Variants in LGR5 observed in about 807,000 individuals in gnomAD.
LGR5 encodes leucine-rich repeat-containing G protein-coupled receptor 5.
A neutral mutation model predicts 76.7 loss-of-function variants in LGR5; 54 were observed. The ratio of observed to expected loss-of-function variants is 0.70; its 90% CI spans 0.57 to 0.88. The LOEUF (loss-of-function observed/expected upper bound fraction) is 0.88. LGR5 is among the 40% of genes least tolerant of loss of function. The pLI is 0.00. For synonymous variants in LGR5, 406 were observed against 421.9 expected, an observed-to-expected ratio of 0.96 and a Z score of 0.46; for missense variants, 1,078 against 1,073.3, an observed-to-expected ratio of 1.00 and a Z score of -0.06.
intron 1 of LGR5, among the ~76,000 whole-genome samples, chr12:71,480,556 T>C (rs1452473653): frequency 6.6e-6 from 1 of 151,906 alleles, no homozygotes; most frequent in East Asian, 1.9e-4. Context: ...ATTCTCCAGA[T>C]CCCTTCTCTT....
intron 15 of LGR5, among the ~76,000 whole-genome samples, chr12:71,579,399 C>T (rs1258530152): frequency 3.3e-5 from 5 of 152,068 alleles, no homozygotes; most frequent in Admixed American, 6.5e-5. Context: ...TTTTAACCCA[C>T]GGTAGTTTTT....
At chr12:71,576,414 T>C (rs1253183327) in intron 13 of LGR5, among the ~76,000 whole-genome samples, 1 of 152,112 alleles carries the variant, frequency 6.6e-6, no homozygotes, top group East Asian at 1.9e-4. Flanking sequence ...TGGAGAAGTG[T>C]TGCAGCCCTT....
At chr12:71,510,646 G>A (rs1592501796) in intron 2 of LGR5, among the ~76,000 whole-genome samples, 1 of 152,156 alleles carries the variant, frequency 6.6e-6, no homozygotes, top group African/African-American at 2.4e-5. Flanking sequence ...ATTGAGTGGA[G>A]GAGACAGATA....
rs1479926413 is a variant in LGR5 at position 71,556,277 on chromosome 12, G to A, written c.645-342G>A. Reference sequence around the variant, plus strand: ...TTTACAATAGACCCCCATGACACAAGTTTACCTACATAACAAACCTGCACA... The same window carrying A: ...TTTACAATAGACCCCCATGACACAAATTTACCTACATAACAAACCTGCACA... On this transcript the variant is annotated intron_variant, in intron 5 of 17. Coordinates refer to ENST00000266674, the MANE Select transcript of LGR5 (RefSeq NM_003667.4). Among the ~76,000 whole-genome samples, 4 of 151,460 alleles carry A rather than the reference G, an allele frequency of 2.6e-5. No homozygotes were observed. In the East Asian group the frequency reaches 7.8e-4, roughly 29 times the overall value.
intron 3 of LGR5, among the ~76,000 whole-genome samples, chr12:71,531,702 T>A (rs1876319740): frequency 6.6e-6 from 1 of 152,130 alleles, no homozygotes; most frequent in Admixed American, 6.5e-5. Flanking sequence ...ACCCCGTTGC[T>A]GCTAAAAATA....
Position 71,524,549 on chromosome 12 carries a change from G to T in LGR5, c.356+72G>T, listed in dbSNP as rs1246641581. ...AATGGCTGCTAATTAACTTGTAAAA[G>T]CTGAGTGTCTCTAATACACTATTTA... On this transcript the variant is annotated intron_variant, in intron 3 of 17. Transcript: ENST00000266674. 14 of 1,050,014 alleles carry T rather than the reference G, an allele frequency of 1.3e-5. No homozygotes were observed. In the East Asian group the frequency reaches 3.3e-4, roughly 25 times the overall value. 65.0% of individuals were successfully genotyped at this position (1,050,014 alleles called of 1,614,324 possible). A position where few individuals can be genotyped will look rare whatever the true frequency, so the allele number is the denominator to read the frequency against.
At chr12:71,505,569 G>A (rs942728524) in intron 2 of LGR5, among the ~76,000 whole-genome samples, 2 of 152,104 alleles carry the variant, frequency 1.3e-5, no homozygotes, top group African/African-American at 4.8e-5. Context: ...CCAATTTGGG[G>A]AGTAATTTAA....
At chr12:71,563,719 A>T (rs1479806560) in intron 8 of LGR5, among the ~76,000 whole-genome samples, 6 of 152,078 alleles carry the variant, frequency 3.9e-5, no homozygotes, top group Non-Finnish European at 5.9e-5. Flanking sequence ...TTTAAAAGCC[A>T]TTTCTTGAAG....
intron 11 of LGR5, chr12:71,571,232 T>C (rs1330565007): frequency 4.2e-6 from 1 of 235,432 alleles, no homozygotes; most frequent in African/African-American, 2.3e-5. Flanking sequence ...AGTAAGATAA[T>C]AGCTAGAGCA....
intron 1 of LGR5, among the ~76,000 whole-genome samples, chr12:71,483,423 C>T (rs1028970644): frequency 4.6e-5 from 7 of 152,156 alleles, no homozygotes; most frequent in Non-Finnish European, 8.8e-5. Context: ...AGAAATGCCA[C>T]GAAGGCATGA....
At chr12:71,442,854 A>C (rs79351985) in intron 1 of LGR5, among the ~76,000 whole-genome samples, 2 of 152,214 alleles carry the variant, frequency 1.3e-5, no homozygotes. Context: ...TGATTTATTC[A>C]TATTCAAATA....
intron 8 of LGR5, among the ~76,000 whole-genome samples, chr12:71,565,959 C>T (rs1288007396): frequency 6.6e-6 from 1 of 152,066 alleles, no homozygotes; most frequent in Non-Finnish European, 1.5e-5. Flanking sequence ...TGATGAGTCT[C>T]TTGTGTATGT....
intron 4 of LGR5, among the ~76,000 whole-genome samples, chr12:71,550,191 G>A (rs1003524843): frequency 6.6e-6 from 1 of 151,206 alleles, no homozygotes; most frequent in African/African-American, 2.4e-5. Context: ...TTTTCTGTTG[G>A]CCAGGCTGGA....
At position 71,566,681 on chromosome 12, in the gene LGR5, A is replaced by G. The variant is rs1395766120; in HGVS notation, c.979A>G (p.Thr327Ala). ...QITEFPDLTG[T>A]ANLESLTLTG... Reference sequence around the variant, plus strand: ...AACTGAATTTCCTGATTTAACTGGAACTGCAAACCTGGAGAGTCTGTAAGT... The same window carrying G: ...AACTGAATTTCCTGATTTAACTGGAGCTGCAAACCTGGAGAGTCTGTAAGT... The change falls in exon 10 of 18, where the codon ACT becomes GCT. Residue 327 changes from threonine (T) to alanine (A), a missense_variant. Transcript: ENST00000266674. 6.2e-7 allele frequency: 1 copy of G among 1,613,550 alleles called. No individual in the cohort carries two copies. The highest frequency in any genetic ancestry group is 1.7e-5 in the Admixed American group (1 of 60,016).
chr12:71,440,158 G>C lies in LGR5; in HGVS notation c.78G>C (p.Arg26Ser). Reference protein sequence around the residue: ...LQLATGGSSPRSGVLLRGCPT... With the variant: ...LQLATGGSSPSSGVLLRGCPT... ...TGGCGACCGGGGGCAGCTCTCCCAG[G>C]TCTGGTGTGTTGCTGAGGGGCTGCC... The change falls in exon 1 of 18, where the codon AGG (arginine) becomes AGC (serine). Residue 26 changes from arginine (R) to serine (S), a missense_variant. By Grantham distance (110) the Arg-to-Ser change is moderately radical. Coordinates refer to ENST00000266674, the MANE Select transcript of LGR5 (RefSeq NM_003667.4). This position sits in a 1 kb window ranked among gnomAD's most constrained non-coding sequence, Gnocchi z 5.3. 1 of 1,611,320 alleles carries C rather than the reference G, an allele frequency of 6.2e-7. No individual in the cohort carries two copies. Among genetic ancestry groups the C allele is most frequent in the Non-Finnish European group, 8.5e-7 (1 of 1,179,762 alleles).
rs1878675552 is a variant in LGR5 at position 71,572,864 on chromosome 12, A to T, written c.1151A>T (p.Asn384Ile). The change falls in exon 13 of 18, where the codon AAT becomes ATT. Residue 384 changes from asparagine (N) to isoleucine (I), a missense_variant. Coordinates refer to ENST00000266674, the MANE Select transcript of LGR5 (RefSeq NM_003667.4). ...QKLQKIDLRH[N>I]EIYEIKVDTF... is the part of the protein sequence containing the mutation. ...TGTCATTTCAGTGACCTAAGACATAATGAAATCTACGAAATTAAAGTTGAC... is the reference window on the plus strand; with the variant it reads ...TGTCATTTCAGTGACCTAAGACATATTGAAATCTACGAAATTAAAGTTGAC... 1.2e-6 allele frequency: 2 copies of T among 1,613,550 alleles called. No homozygotes were observed. The highest frequency in any genetic ancestry group is 1.7e-6 in the Non-Finnish European group (2 of 1,179,500).
In LGR5 at chr12:71,584,772, C is replaced by T. The variant is rs749895880; in HGVS notation, c.*38C>T. On this transcript the variant is annotated 3_prime_UTR_variant, in exon 18 of 18. Coordinates refer to ENST00000266674, the MANE Select transcript of LGR5 (RefSeq NM_003667.4). ...GGAAAATGTTTTCAAAGGTTGAGAACCTGAAAATGTGAGATTGAGTATATC... is the reference window on the plus strand; with the variant it reads ...GGAAAATGTTTTCAAAGGTTGAGAATCTGAAAATGTGAGATTGAGTATATC... The T allele has an allele frequency of 1.3e-6, 2 of 1,577,858 alleles. No homozygotes were observed. The highest frequency in any genetic ancestry group is 1.7e-6 in the Non-Finnish European group (2 of 1,157,816).
At chr12:71,451,254 T>C (rs76272263) in intron 1 of LGR5, among the ~76,000 whole-genome samples, 21 of 152,356 alleles carry the variant, frequency 1.4e-4, no homozygotes, top group African/African-American at 5.1e-4. Context: ...TTAGCCATCT[T>C]TGATTGGACA....
intron 16 of LGR5, 120 bp downstream of exon 16, chr12:71,580,543 C>A: frequency 9.8e-7 from 1 of 1,021,488 alleles, no homozygotes; most frequent in South Asian, 1.6e-5. Flanking sequence ...CACCTGTAAT[C>A]CCAACAGTTT....
Sources: gnomAD v4.1 joint callset for allele counts (sites outside exome capture counted in the v4.1 genomes callset) on GRCh38, gnomAD v4.1.1 for gene constraint, Gnocchi (gnomAD v3.1) non-coding constraint, MANE v1.5 for transcripts, NCBI Gene and HGNC (gene_info 2026-07-23, HGNC 2026-07-21) for gene names.